Variants in PLD2 observed in about 807,000 individuals in gnomAD.
PLD2 encodes the protein phospholipase D2.
In PLD2, 101 loss-of-function variants were observed where a neutral mutation model predicts 119.8. The observed-to-expected ratio is 0.84, with a 90% CI of 0.72 to 0.99. PLD2 has a LOEUF of 0.99. Among genes scored for constraint, PLD2 ranks in the 50% least tolerant of loss-of-function variants. The pLI is 0.00. For synonymous variants in PLD2, 494 were observed against 482.8 expected (o/e 1.02, Z -0.30); for missense variants, 1,164 against 1,226.8 (o/e 0.95, Z 0.76).
intron 10 of PLD2, among the ~76,000 whole-genome samples, chr17:4,812,388 C>T (rs761918153): frequency 4.8e-4 from 73 of 151,400 alleles, no homozygotes; most frequent in Non-Finnish European, 8.7e-4. Flanking sequence ...TCTGACTCCC[C>T]GGTTCAAGTG....
At chr17:4,818,248 C>A in intron 18 of PLD2, 49 bp from the exon 19 acceptor site, 1 of 1,550,396 alleles carries the variant, frequency 6.4e-7, no homozygotes, top group Non-Finnish European at 8.9e-7. Context: ...AGGCCGAGGA[C>A]AGGGCCAGGG....
rs115392379 is a variant in PLD2, at chr17:4,823,312, G to A, written c.*448G>A. On this transcript the variant is annotated 3_prime_UTR_variant, in exon 25 of 25. Transcript: ENST00000263088. ...GGAGGGAAGGATAAAGCCACTTCTG[G>A]CTTCAGCCCCCACCAGGGGAAGGAA... 4.4e-3 allele frequency: 698 copies of A among 159,138 alleles called. 6 individuals carry two copies. Among genetic ancestry groups the A allele is most frequent in the African/African-American group, 0.015 (617 of 41,800 alleles). The allele number at this position is 159,138 out of a possible 1,614,324, so 9.9% of individuals were successfully genotyped here. A position where few individuals can be genotyped will look rare whatever the true frequency, so the allele number is the denominator to read the frequency against.
rs759364410 is a variant in PLD2, at chr17:4,808,312, C to G, written c.279C>G (p.His93Gln). Residue 93 changes from histidine to glutamine, a missense_variant, in exon 4 of 25, where the codon CAC becomes CAG. By Grantham distance (24) the His-to-Gln change is conservative. Coordinates refer to ENST00000263088, the MANE Select transcript of PLD2 (RefSeq NM_002663.5). The surrounding 1 kb of genome is among the most constrained non-coding windows in gnomAD (Gnocchi z 4.1). ...TCTLYSVRLT[H>Q]GDFSWTTKKK... Reference sequence around the variant, plus strand: ...CTCTGTATTCTGTCCGCTTGACTCACGGCGACTTTTCCTGGACAACCAAGA... The same window carrying G: ...CTCTGTATTCTGTCCGCTTGACTCAGGGCGACTTTTCCTGGACAACCAAGA... 6.2e-7 allele frequency: 1 copy of G among 1,614,106 alleles called. No individual in the cohort carries two copies. The highest frequency in any genetic ancestry group is 1.1e-5 in the South Asian group (1 of 91,084).
rs751334084 is a variant in PLD2 at position 4,809,854 on chromosome 17, C to T, written c.708-23C>T. The T allele has an allele frequency of 3.1e-6, 5 of 1,614,090 alleles. 1 individual carries two copies. In the South Asian group the frequency reaches 4.4e-5, roughly 14 times the overall value. ...AGAAAATTTTGAGGGCAGAGAGGAA[C>T]ACACGGAGCCCTTCTGCTCTAGGTG... On this transcript the variant is annotated intron_variant, in intron 8 of 24. Transcript: ENST00000263088.
chr17:4,815,652 G>C, intron 13 of PLD2, 66 bp downstream of exon 13: 1 of 1,584,820 alleles, frequency 6.3e-7, no homozygotes, highest in Non-Finnish European at 8.7e-7. Context: ...CCAGCCCCCA[G>C]CGCTCCCGCT....
At position 4,814,663 on chromosome 17, in the gene PLD2, G is replaced by T; in HGVS notation, c.1125G>T (p.Pro375=). The change falls in exon 12 of 25, where the codon CCG becomes CCT. Residue 375 remains proline (P), a synonymous_variant. Transcript: ENST00000263088. ...GTCCTGAGGTTTACCTGAAGCGTCCGGCCCATTCAGATGACTGGAGACTGG... is the reference window on the plus strand; with the variant it reads ...GTCCTGAGGTTTACCTGAAGCGTCCTGCCCATTCAGATGACTGGAGACTGG... The part of the protein sequence containing the change: ...WLSPEVYLKR[P]AHSDDWRLDI... 6.2e-7 allele frequency: 1 copy of T among 1,614,084 alleles called. No homozygotes were observed.
In PLD2 at chr17:4,815,578, A is replaced by G. The variant is rs780394295; in HGVS notation, c.1276A>G (p.Asn426Asp). The stretch of plus-strand genomic sequence containing the variant: ...GAGGGCGCTGATGCTGCTGCACCCC[A>G]ACATAAAGGTGACTCTCGGCCTCAG... ...SKRALMLLHP[N>D]IKVMRHPDQV... is the part of the protein sequence containing the mutation. The change falls in exon 13 of 25, where the codon AAC becomes GAC. Residue 426 changes from asparagine to aspartate, a missense_variant. Physicochemically the swap from Asn to Asp is conservative, Grantham distance 23. Transcript: ENST00000263088. The G allele has an allele frequency of 3.4e-5, 54 of 1,611,812 alleles. No individual in the cohort carries two copies. The highest frequency in any genetic ancestry group is 8.3e-5 in the Admixed American group (5 of 59,984).
Position 4,809,088 on chromosome 17 carries a change from T to C in PLD2, c.384-12T>C. The C allele has an allele frequency of 1.2e-6, 2 of 1,606,206 alleles. No individual in the cohort carries two copies. The highest frequency in any genetic ancestry group is 2.2e-5 in the South Asian group (2 of 90,936). ...CCAGCTCTTACCTGACCTTCATCCA[T>C]CCTTTCCACAGATTTGCCGTTGCCT... On this transcript the variant is annotated splice_polypyrimidine_tract_variant and intron_variant, in intron 4 of 24. Coordinates refer to ENST00000263088, the MANE Select transcript of PLD2 (RefSeq NM_002663.5).
At chr17:4,816,040 A>C in intron 14 of PLD2, 106 bp downstream of exon 14, 1 of 850,500 alleles carries the variant, frequency 1.2e-6, no homozygotes, top group African/African-American at 1.7e-5. Context: ...GGCCCTGCCA[A>C]CCTCAGGGTT....
In PLD2 at chr17:4,818,611, A is replaced by AC. The variant is rs764592517; in HGVS notation, c.2123+10dup. The AC allele has an allele frequency of 1.5e-4, 235 of 1,603,892 alleles. No homozygotes were observed. The highest frequency in any genetic ancestry group is 1.9e-4 in the Non-Finnish European group (218 of 1,172,192). ...CCATTCTGCACTTTACTTACAGGTG[A>AC]CCCCCCAGGCGGACTCCAGCTCTCA... On this transcript the variant is annotated splice_donor_region_variant and intron_variant, in intron 20 of 24. Coordinates refer to ENST00000263088, the MANE Select transcript of PLD2 (RefSeq NM_002663.5).
chr17:4,810,698 T>C (rs1906365748), intron 9 of PLD2, 104 bp from the exon 10 acceptor site: 1 of 1,102,816 alleles, frequency 9.1e-7, no homozygotes, highest in Non-Finnish European at 1.3e-6. Flanking sequence ...CCCTGTGCAG[T>C]TGTGATTAGG....
In PLD2 at chr17:4,809,281, TC is replaced by T. The variant is rs756891243; in HGVS notation, c.490-16del. 42 of 1,613,242 alleles carry T rather than the reference TC, an allele frequency of 2.6e-5. No individual in the cohort carries two copies. The highest frequency in any genetic ancestry group is 3.5e-5 in the Non-Finnish European group (41 of 1,179,324). On this transcript the variant is annotated splice_polypyrimidine_tract_variant and intron_variant, in intron 5 of 24. Coordinates refer to ENST00000263088, the MANE Select transcript of PLD2 (RefSeq NM_002663.5). ...TCGGTCCCATCTGTCTCTCTCTCTCTCTCATCTCCACTTCAGAAATACCTGG... is the reference window on the plus strand; with the variant it reads ...TCGGTCCCATCTGTCTCTCTCTCTCTTCATCTCCACTTCAGAAATACCTGG...
At position 4,816,738 on chromosome 17, in the gene PLD2, C is replaced by T. The variant is rs145073180; in HGVS notation, c.1574C>T (p.Pro525Leu). The change falls in exon 15 of 25, where the codon CCT becomes CTT. Residue 525 changes from proline (P) to leucine (L), a missense_variant. By Grantham distance (98) the Pro-to-Leu change is moderately conservative (BLOSUM62 -3). Transcript: ENST00000263088. ...ITKDWVQLDR[P>L]FEDFIDRETT... ...AAGGACTGGGTGCAGCTGGACCGGC[C>T]TTTCGAAGGTGAAGCCTCCCACCCG... The T allele has an allele frequency of 1.3e-4, 212 of 1,614,216 alleles. 1 individual carries two copies. In the African/African-American group the frequency reaches 2.4e-3, roughly 18 times the overall value.
At position 4,822,757 on chromosome 17, in the gene PLD2, G is replaced by A; in HGVS notation, c.2695G>A (p.Val899Ile). 6.2e-7 allele frequency: 1 copy of A among 1,613,918 alleles called. No homozygotes were observed. Among genetic ancestry groups the A allele is most frequent in the Non-Finnish European group, 8.5e-7 (1 of 1,179,782 alleles). Reference protein sequence around the residue: ...PPLARSELTQVQGHLVHFPLK... With the variant: ...PPLARSELTQIQGHLVHFPLK... ...CTTGGCTCGGTCTGAGCTCACCCAG[G>A]TCCAGGGCCACCTGGTCCACTTCCC... Residue 899 changes from valine to isoleucine, a missense_variant, in exon 25 of 25, where the codon GTC becomes ATC. Coordinates refer to ENST00000263088, the MANE Select transcript of PLD2 (RefSeq NM_002663.5).
At position 4,809,788 on chromosome 17, in the gene PLD2, G is replaced by C. The variant is rs772561448; in HGVS notation, c.707+5G>C. 1.2e-6 allele frequency: 2 copies of C among 1,614,038 alleles called. No individual in the cohort carries two copies. The highest frequency in any genetic ancestry group is 2.2e-5 in the East Asian group (1 of 44,898). Reference sequence around the variant, plus strand: ...TTGTTATCGCTGGTCCAAGAGGTACGGGCTATGGCCAAGCAGCTGGGCAGT... The same window carrying C: ...TTGTTATCGCTGGTCCAAGAGGTACCGGCTATGGCCAAGCAGCTGGGCAGT... On this transcript the variant is annotated splice_donor_5th_base_variant and intron_variant, in intron 8 of 24. Coordinates refer to ENST00000263088, the MANE Select transcript of PLD2 (RefSeq NM_002663.5).
chr17:4,818,841 G>A lies in PLD2; in HGVS notation c.2173+18G>A, dbSNP rs765957558. On this transcript the variant is annotated intron_variant, in intron 21 of 24. Coordinates refer to ENST00000263088, the MANE Select transcript of PLD2 (RefSeq NM_002663.5). ...AGCAGCCAGTGAGTGCTGGGGGCTG[G>A]GGGCTCAAGCCCTGGGCCCCTGGGA... The A allele has an allele frequency of 6.6e-5, 107 of 1,612,918 alleles. No individual in the cohort carries two copies. The highest frequency in any genetic ancestry group is 8.7e-5 in the Non-Finnish European group (103 of 1,179,110).
At position 4,819,507 on chromosome 17, in the gene PLD2, C is replaced by T. The variant is rs145415599; in HGVS notation, c.2387C>T (p.Thr796Met). The T allele has an allele frequency of 1.9e-5, 30 of 1,613,948 alleles. No individual in the cohort carries two copies. The highest frequency in any genetic ancestry group is 5.3e-5 in the African/African-American group (4 of 74,896). Residue 796 changes from threonine to methionine, a missense_variant, in exon 23 of 25, where the codon ACG becomes ATG. Transcript: ENST00000263088. The surrounding 1 kb of genome is among the most constrained non-coding windows in gnomAD (Gnocchi z 4.2). The part of the protein sequence containing the change: ...ELAVLIEDTE[T>M]EPSLMNGAEY... ...GCCGTGCTGATCGAGGACACAGAGA[C>T]GGAACCATCCCTCATGAATGGGGCA... is the stretch of plus-strand genomic sequence containing the variant.
chr17:4,813,261 C>T (rs1296811207), intron 10 of PLD2, among the ~76,000 whole-genome samples: 1 of 152,174 alleles, frequency 6.6e-6, no homozygotes, highest in Non-Finnish European at 1.5e-5. Flanking sequence ...CCACCCGCTT[C>T]GGCTTCCCAA....
rs758114623 is a variant in PLD2 at position 4,815,791 on chromosome 17, T to C, written c.1312T>C (p.Leu438=). The C allele has an allele frequency of 1.1e-5, 18 of 1,613,862 alleles. No homozygotes were observed. The South Asian group carries it at 1.4e-4, about 13-fold the overall frequency. The stretch of plus-strand genomic sequence containing the variant: ...GATGCGTCACCCAGACCAAGTGACG[T>C]TGTGGGCCCATCATGAGAAGCTCCT... ...KVMRHPDQVT[L]WAHHEKLLVV... is the part of the protein sequence containing the mutation. Residue 438 remains leucine, a synonymous_variant, in exon 14 of 25, where the codon TTG becomes CTG. Transcript: ENST00000263088.
Sources: allele counts gnomAD v4.1 joint callset (sites outside exome capture counted in the v4.1 genomes callset), GRCh38; gene constraint gnomAD v4.1.1; non-coding constraint Gnocchi (gnomAD v3.1); transcripts MANE v1.5; gene names NCBI Gene and HGNC (gene_info 2026-07-23, HGNC 2026-07-21).